DUSP14: variants seen among roughly 807,000 people sequenced by gnomAD.
DUSP14 encodes dual specificity phosphatase 14.
DUSP14 carries 5 observed loss-of-function variants against 13.2 expected under a neutral mutation model. The observed-to-expected ratio is 0.38, with a 90% confidence interval of 0.20 to 0.80. DUSP14 has a LOEUF of 0.80. Among genes scored for constraint, DUSP14 ranks in the 30% least tolerant of loss-of-function variants. The pLI is 0.44. For missense variants in DUSP14, 185 were observed against 264.0 expected (o/e 0.70, Z 2.07); for synonymous variants, 91 against 103.4 (o/e 0.88, Z 0.73).
rs548431317 is a variant in DUSP14 at position 37,495,808 on chromosome 17, T to C, written c.-181+5850T>C. 3.9e-5 allele frequency among the ~76,000 whole-genome samples: 6 copies of C among 152,144 alleles called. No homozygotes were observed. In the South Asian group the frequency reaches 1.2e-3, roughly 32 times the overall value. ...CCGAGTAGCTGGGATTACAGGCGCATGCCACCACGCCCAGCTAATTTTTCT... is the reference window on the plus strand; with the variant it reads ...CCGAGTAGCTGGGATTACAGGCGCACGCCACCACGCCCAGCTAATTTTTCT... On this transcript the variant is annotated intron_variant, in intron 1 of 2. Coordinates refer to ENST00000617516, the MANE Select transcript of DUSP14 (RefSeq NM_007026.4).
rs1394989369 is a variant in DUSP14 at position 37,512,895 on chromosome 17, C to G, written c.*26C>G. On this transcript the variant is annotated 3_prime_UTR_variant, in exon 3 of 3. Transcript: ENST00000617516. This position sits in a 1 kb window ranked among gnomAD's most constrained non-coding sequence, Gnocchi z 4.8. ...TGCCACTGAAGCCTGCGTCAGCAGC[C>G]CGAGCGGGGCCGGCATCTGCTCCCC... The G allele has an allele frequency of 6.4e-7, 1 of 1,565,382 alleles. No individual in the cohort carries two copies.
intron 1 of DUSP14, among the ~76,000 whole-genome samples, chr17:37,490,798 G>A (rs2054022862): frequency 6.6e-6 from 1 of 152,090 alleles, no homozygotes; most frequent in Non-Finnish European, 1.5e-5. Context: ...CGTTTTATAA[G>A]AGAGGGGGGT....
At chr17:37,496,459 A>C (rs1438098222) in intron 1 of DUSP14, among the ~76,000 whole-genome samples, 1 of 151,754 alleles carries the variant, frequency 6.6e-6, no homozygotes, top group East Asian at 1.9e-4. Flanking sequence ...AAATGTAAAA[A>C]TTAGCCGGGT....
At position 37,509,137 on chromosome 17, in the gene DUSP14, A is replaced by ATG. The variant is rs1568204463; in HGVS notation, c.-180-1540_-180-1539insTG. 6.5e-5 allele frequency among the ~76,000 whole-genome samples: 3 copies of ATG among 46,442 alleles called. 1 individual carries two copies. The highest frequency in any genetic ancestry group is 1.1e-4 in the Non-Finnish European group (3 of 27,196). The allele number at this position is 46,442 out of a possible 152,430, so 30.5% of individuals were successfully genotyped here. A position where few individuals can be genotyped will look rare whatever the true frequency, so the allele number is the denominator to read the frequency against. ...TATATATATATATATATACACACAC[A>ATG]CACACACACACACACACACACACAC... On this transcript the variant is annotated intron_variant, in intron 1 of 2. Coordinates refer to ENST00000617516, the MANE Select transcript of DUSP14 (RefSeq NM_007026.4).
chr17:37,513,419 C>G lies in DUSP14; in HGVS notation c.*550C>G, dbSNP rs528978240. 3 of 167,480 alleles carry G rather than the reference C, an allele frequency of 1.8e-5. No individual in the cohort carries two copies. The highest frequency in any genetic ancestry group is 4.4e-5 in the Non-Finnish European group (3 of 68,424). 10.4% of individuals were successfully genotyped at this position (167,480 alleles called of 1,614,324 possible). On this transcript the variant is annotated 3_prime_UTR_variant, in exon 3 of 3. Transcript: ENST00000617516. ...AGCTGTTAAGTAACTATAATGAAATCTGCTGCAAAATCTCTCTTGGAATCC... is the reference window on the plus strand; with the variant it reads ...AGCTGTTAAGTAACTATAATGAAATGTGCTGCAAAATCTCTCTTGGAATCC...
At chr17:37,509,132 C>T (rs12938258) in intron 1 of DUSP14, among the ~76,000 whole-genome samples, 6,680 of 20,814 alleles carry the variant, frequency 0.32, 1,178 homozygotes, top group East Asian at 0.72. Context: ...TATATATACA[C>T]ACACACACAC....
At chr17:37,509,252 T>C (rs1364198992) in intron 1 of DUSP14, among the ~76,000 whole-genome samples, 4 of 19,414 alleles carry the variant, frequency 2.1e-4, no homozygotes, top group South Asian at 2.3e-3. Context: ...ACTATATATA[T>C]ATATATATAT....
Position 37,513,241 on chromosome 17 carries a change from T to G in DUSP14, c.*372T>G, listed in dbSNP as rs1248457231. On this transcript the variant is annotated 3_prime_UTR_variant, in exon 3 of 3. Coordinates refer to ENST00000617516, the MANE Select transcript of DUSP14 (RefSeq NM_007026.4). ...ATCACTTTGGGGCCTCATTAACCCT[T>G]TAGAGACAAGCTTTGCCCCAGGCTG... The G allele has an allele frequency of 4.6e-6, 1 of 219,670 alleles. No individual in the cohort carries two copies. The highest frequency in any genetic ancestry group is 9.8e-6 in the Non-Finnish European group (1 of 102,358). 13.6% of individuals were successfully genotyped at this position (219,670 alleles called of 1,614,324 possible).
At chr17:37,490,507 C>T (rs1370386623) in intron 1 of DUSP14, among the ~76,000 whole-genome samples, 13 of 152,094 alleles carry the variant, frequency 8.5e-5, no homozygotes, top group Non-Finnish European at 1.9e-4. Context: ...TCCTAAGTAC[C>T]CTTGCTCCGG....
chr17:37,488,595 T>C (rs931735058), upstream of DUSP14, among the ~76,000 whole-genome samples: 3 of 152,248 alleles, frequency 2.0e-5, no homozygotes, highest in African/African-American at 7.2e-5. Flanking sequence ...CAAAGTATGC[T>C]GCTTTGTTTT....
At chr17:37,501,028 G>C (rs2054101777) in intron 1 of DUSP14, among the ~76,000 whole-genome samples, 1 of 151,818 alleles carries the variant, frequency 6.6e-6, no homozygotes, top group South Asian at 2.1e-4. Flanking sequence ...GCCACAAATA[G>C]ACAACTCATG....
chr17:37,491,099 G>C (rs1214349017), intron 1 of DUSP14, among the ~76,000 whole-genome samples: 1 of 152,184 alleles, frequency 6.6e-6, no homozygotes, highest in Admixed American at 6.5e-5. Context: ...GTTTCTCTCC[G>C]CTCATTTCCT....
At chr17:37,499,476 A>T (rs2054090914) in intron 1 of DUSP14, among the ~76,000 whole-genome samples, 1 of 152,014 alleles carries the variant, frequency 6.6e-6, no homozygotes, top group Non-Finnish European at 1.5e-5. Context: ...AAGTACTGGG[A>T]TTACAGGTGT....
intron 2 of DUSP14, among the ~76,000 whole-genome samples, chr17:37,511,585 C>CTTT (rs533256343): frequency 2.3e-5 from 2 of 87,312 alleles, no homozygotes; most frequent in African/African-American, 5.2e-5. Flanking sequence ...CTGGCCTTTC[C>CTTT]TTTTTTTTTT....
intron 1 of DUSP14, among the ~76,000 whole-genome samples, chr17:37,496,551 C>T (rs1197446206): frequency 6.6e-6 from 1 of 152,038 alleles, no homozygotes; most frequent in Non-Finnish European, 1.5e-5. Flanking sequence ...GTCCGGAGTT[C>T]GAAACCAGCC....
At chr17:37,509,288 TA>T (rs2054166347) in intron 1 of DUSP14, among the ~76,000 whole-genome samples, 3 of 26,222 alleles carry the variant, frequency 1.1e-4, no homozygotes, top group Admixed American at 4.0e-4. Context: ...TATATATATA[TA>T]TATATATAGT....
intron 1 of DUSP14, among the ~76,000 whole-genome samples, chr17:37,508,308 A>G (rs978041340): frequency 6.6e-6 from 1 of 151,862 alleles, no homozygotes; most frequent in Non-Finnish European, 1.5e-5. Context: ...CAGAAAGGCA[A>G]CTCTTCCAGC....
upstream of DUSP14, chr17:37,489,784 G>C (rs2054012801): frequency 1.4e-5 from 2 of 147,142 alleles, no homozygotes; most frequent in Non-Finnish European, 1.5e-5. Flanking sequence ...GCCCCGCGTC[G>C]CGTCCCCCCA....
intron 1 of DUSP14, among the ~76,000 whole-genome samples, chr17:37,509,126 T>TACAC (rs1408643360): frequency 4.5e-5 from 2 of 44,536 alleles, no homozygotes; most frequent in Non-Finnish European, 7.8e-5. Flanking sequence ...TATATATATA[T>TACAC]ATACACACAC....
Sources: allele counts gnomAD v4.1 joint callset (sites outside exome capture counted in the v4.1 genomes callset), GRCh38; gene constraint gnomAD v4.1.1; non-coding constraint Gnocchi (gnomAD v3.1); transcripts MANE v1.5; gene names NCBI Gene and HGNC (gene_info 2026-07-23, HGNC 2026-07-21).